Variants in KIF26B observed in about 807,000 individuals in gnomAD.
KIF26B encodes kinesin family member 26B, also known as kinesin-like protein KIF26B.
KIF26B carries 63 observed loss-of-function variants against 151.2 expected under a neutral mutation model. The observed-to-expected ratio is 0.42, with a 90% CI of 0.34 to 0.51. The LOEUF is 0.51. Ranked by LOEUF, KIF26B falls within the 20% of genes least tolerant of loss-of-function variation. The probability of loss-of-function intolerance (pLI) is 0.07; values close to 1 mark genes in which losing one functional copy is unlikely to be tolerated. For missense variants in KIF26B, 2,813 were observed against 2,913.6 expected (o/e 0.97, Z 0.79); for synonymous variants, 1,357 against 1,262.1 (o/e 1.08, Z -1.59).
chr1:245,541,523 T>C (rs1417416056), intron 5 of KIF26B, among the ~76,000 whole-genome samples: 1 of 152,258 alleles, frequency 6.6e-6, no homozygotes, highest in East Asian at 1.9e-4. Flanking sequence ...GGGATCACTT[T>C]ATTTTTAAAT....
In KIF26B at chr1:245,315,590, C is replaced by T. The variant is rs141482044; in HGVS notation, c.466-51244C>T. Reference sequence around the variant, plus strand: ...TACACAAATTAGCTGGACATGGTGGCGGGCACCTGTAATCCCAGCTACTTG... The same window carrying T: ...TACACAAATTAGCTGGACATGGTGGTGGGCACCTGTAATCCCAGCTACTTG... On this transcript the variant is annotated intron_variant, in intron 2 of 14. Coordinates refer to ENST00000407071, the MANE Select transcript of KIF26B (RefSeq NM_018012.4). Among the ~76,000 whole-genome samples, 553 of 151,734 alleles carry T rather than the reference C, an allele frequency of 3.6e-3. 3 individuals carry two copies. The highest frequency in any genetic ancestry group is 0.012 in the African/African-American group (502 of 41,356).
intron 10 of KIF26B, among the ~76,000 whole-genome samples, chr1:245,666,094 G>A (rs533540556): frequency 1.4e-5 from 2 of 145,556 alleles, no homozygotes; most frequent in South Asian, 4.3e-4. Flanking sequence ...TCTGCCTCCT[G>A]GGTTTAAGCA....
chr1:245,282,722 G>A (rs7519063), intron 2 of KIF26B: 4,702 of 158,176 alleles, frequency 0.03, 253 homozygotes, highest in African/African-American at 0.11. Flanking sequence ...CCCTGTCTCC[G>A]CTTTGGAGCC....
At chr1:245,477,116 A>G (rs1018566062) in intron 4 of KIF26B, among the ~76,000 whole-genome samples, 4 of 151,842 alleles carry the variant, frequency 2.6e-5, no homozygotes, top group African/African-American at 7.2e-5. Context: ...ATTAAACTGC[A>G]AAACTGGAGC....
chr1:245,276,958 A>G (rs772618692), intron 2 of KIF26B, among the ~76,000 whole-genome samples: 2 of 152,168 alleles, frequency 1.3e-5, no homozygotes, highest in African/African-American at 2.4e-5. Context: ...CCTGATTTCA[A>G]TGATAAGTGT....
intron 2 of KIF26B, among the ~76,000 whole-genome samples, chr1:245,301,020 G>T (rs1416354221): frequency 6.6e-6 from 1 of 150,658 alleles, no homozygotes; most frequent in African/African-American, 2.5e-5. Flanking sequence ...AGTAGAGATG[G>T]GGGTTTCGCC....
chr1:245,475,410 G>A (rs904503936), intron 4 of KIF26B, among the ~76,000 whole-genome samples: 3 of 151,814 alleles, frequency 2.0e-5, no homozygotes, highest in Non-Finnish European at 4.4e-5. Flanking sequence ...GGGACAGCCT[G>A]CGGCACCACT....
intron 5 of KIF26B, among the ~76,000 whole-genome samples, chr1:245,574,423 T>C (rs1233044855): frequency 6.6e-6 from 1 of 152,006 alleles, no homozygotes; most frequent in African/African-American, 2.4e-5. Flanking sequence ...GGATTACAGG[T>C]GTGAGCCACC....
intron 4 of KIF26B, among the ~76,000 whole-genome samples, chr1:245,464,392 TGTGG>T (rs1659721236): frequency 6.7e-6 from 1 of 150,052 alleles, no homozygotes; most frequent in East Asian, 2.0e-4. Flanking sequence ...GGTGTGTGTG[TGTGG>T]GTGTGTGCGT....
intron 3 of KIF26B, among the ~76,000 whole-genome samples, chr1:245,390,921 CAAAA>C (rs796799193): frequency 1.5e-4 from 2 of 13,438 alleles, no homozygotes; most frequent in Admixed American, 1.4e-3. Context: ...GACCCTGTCT[CAAAA>C]AAAAAAAAAA....
intron 2 of KIF26B, among the ~76,000 whole-genome samples, chr1:245,340,575 A>G (rs1672315389): frequency 2.0e-5 from 3 of 152,158 alleles, no homozygotes; most frequent in African/African-American, 7.2e-5. Flanking sequence ...CCATTCATTT[A>G]TTCACTCATT....
At chr1:245,303,365 A>AT (rs1255355305) in intron 2 of KIF26B, among the ~76,000 whole-genome samples, 5 of 150,210 alleles carry the variant, frequency 3.3e-5, no homozygotes, top group East Asian at 2.0e-4. Context: ...CGCCCGGCTA[A>AT]TTTTTTGTAT....
chr1:245,453,201 G>A (rs143286025), intron 4 of KIF26B, among the ~76,000 whole-genome samples: 8 of 152,080 alleles, frequency 5.3e-5, no homozygotes, highest in Non-Finnish European at 8.8e-5. Context: ...ATGTTATTTA[G>A]ATCTTCTATA....
intron 5 of KIF26B, among the ~76,000 whole-genome samples, chr1:245,573,420 G>T (rs2103124273): frequency 6.6e-6 from 1 of 152,222 alleles, no homozygotes; most frequent in South Asian, 2.1e-4. Flanking sequence ...CTACTCAGGA[G>T]GCTGAGGCAG....
rs538010161 is a variant in KIF26B, at chr1:245,167,435, C to CT, written c.465+10753dup. ...AGCAGCTACACTTCCCCATGAAACT[C>CT]TATCATCGTATTTAGAGTGGTTGCT... On this transcript the variant is annotated intron_variant, in intron 2 of 14. Coordinates refer to ENST00000407071, the MANE Select transcript of KIF26B (RefSeq NM_018012.4). The surrounding 1 kb of genome is among the most constrained non-coding windows in gnomAD (Gnocchi z 4.2). Among the ~76,000 whole-genome samples the CT allele has an allele frequency of 4.5e-4, 68 of 152,252 alleles. No homozygotes were observed. The highest frequency in any genetic ancestry group is 1.2e-3 in the Admixed American group (19 of 15,298).
At chr1:245,682,365 AT>A (rs1277830515) in intron 10 of KIF26B, among the ~76,000 whole-genome samples, 5 of 152,268 alleles carry the variant, frequency 3.3e-5, no homozygotes, top group African/African-American at 1.2e-4. Context: ...GTTCACAAAT[AT>A]TTTATAGAAC....
intron 4 of KIF26B, among the ~76,000 whole-genome samples, chr1:245,463,250 A>G (rs1190438594): frequency 6.6e-6 from 1 of 152,114 alleles, no homozygotes; most frequent in Non-Finnish European, 1.5e-5. Context: ...CGTCAATCCC[A>G]CTAGGTAGGG....
chr1:245,669,677 C>A (rs1572189983), intron 10 of KIF26B, among the ~76,000 whole-genome samples: 1 of 152,266 alleles, frequency 6.6e-6, no homozygotes, highest in East Asian at 1.9e-4. Context: ...AACAGAAAAT[C>A]AGTGTTGGCA....
chr1:245,211,968 G>A (rs1669544339), intron 2 of KIF26B, among the ~76,000 whole-genome samples: 1 of 152,188 alleles, frequency 6.6e-6, no homozygotes, highest in Non-Finnish European at 1.5e-5. Context: ...CCTGGGAGGG[G>A]GCTGAAAAGC....
Sources: allele counts gnomAD v4.1 joint callset (sites outside exome capture counted in the v4.1 genomes callset), GRCh38; gene constraint gnomAD v4.1.1; non-coding constraint Gnocchi (gnomAD v3.1); transcripts MANE v1.5; gene names NCBI Gene and HGNC (gene_info 2026-07-23, HGNC 2026-07-21).